The following ULK4 variants were observed in gnomAD, a reference collection of about 807,000 sequenced individuals.
ULK4 encodes the protein inactive serine/threonine-protein kinase ULK4.
Under a neutral mutation model 160.6 loss-of-function variants are expected in ULK4, and 133 were observed. That is an observed-to-expected ratio of 0.83 (90% CI 0.72 to 0.96). ULK4 has a LOEUF of 0.96. Among genes scored for constraint, ULK4 ranks in the 40% least tolerant of loss-of-function variants. ULK4 has a pLI of 0.00. For synonymous variants in ULK4, 534 were observed against 539.8 expected, an observed-to-expected ratio of 0.99 and a Z score of 0.15; for missense variants, 1,580 against 1,499.5, an observed-to-expected ratio of 1.05 and a Z score of -0.89.
chr3:41,365,313 T>C (rs2081234291), intron 35 of ULK4, among the ~76,000 whole-genome samples: 1 of 152,162 alleles, frequency 6.6e-6, no homozygotes, highest in Admixed American at 6.5e-5. Context: ...TTCACAATCT[T>C]GAAGTTTGAT....
chr3:41,734,413 G>A (rs1400708587), intron 22 of ULK4, among the ~76,000 whole-genome samples: 1 of 152,142 alleles, frequency 6.6e-6, no homozygotes, highest in Admixed American at 6.6e-5. Context: ...AAGCATATTT[G>A]ATTTGTATAC....
chr3:41,344,404 G>C (rs112102020), intron 35 of ULK4, among the ~76,000 whole-genome samples: 2,427 of 152,186 alleles, frequency 0.016, 52 homozygotes, highest in African/African-American at 0.049. Flanking sequence ...ATACTATCTG[G>C]ACATAGGCAT....
rs562383782 is a variant in ULK4, at chr3:41,457,350, T to C, written c.3394-1755A>G. Reference sequence around the variant, plus strand: ...CCATGGTCCTCCAGATCCTCCAAGATCTGCATAGTCATACGTCATAGTCGC... The same window carrying C: ...CCATGGTCCTCCAGATCCTCCAAGACCTGCATAGTCATACGTCATAGTCGC... On this transcript the variant is annotated intron_variant, in intron 33 of 36. Coordinates refer to ENST00000301831, the MANE Select transcript of ULK4 (RefSeq NM_017886.4). Among the ~76,000 whole-genome samples, 522 of 152,218 alleles carry C rather than the reference T, an allele frequency of 3.4e-3. 4 individuals carry two copies. Among genetic ancestry groups the C allele is most frequent in the Non-Finnish European group, 6.2e-3 (421 of 68,018 alleles).
Position 41,799,099 on chromosome 3 carries a change from G to T in ULK4, c.2010+1033C>A, listed in dbSNP as rs142938804. ...GTGAGGATACGTGATGAAAATGAGG[G>T]GTTGAGGGCATAAGGAAAGAACACA... On this transcript the variant is annotated intron_variant, in intron 20 of 36. Coordinates refer to ENST00000301831, the MANE Select transcript of ULK4 (RefSeq NM_017886.4). Among the ~76,000 whole-genome samples, 260 of 152,238 alleles carry T rather than the reference G, an allele frequency of 1.7e-3. 2 individuals carry two copies. Among genetic ancestry groups the T allele is most frequent in the African/African-American group, 5.9e-3 (244 of 41,538 alleles).
chr3:41,436,476 C>T (rs1185910510), intron 34 of ULK4, among the ~76,000 whole-genome samples: 3 of 152,048 alleles, frequency 2.0e-5, no homozygotes, highest in South Asian at 2.1e-4. Context: ...TTCATTATCT[C>T]TTGGGTGAAT....
At chr3:41,948,436 G>C (rs962809400) in intron 2 of ULK4, among the ~76,000 whole-genome samples, 4 of 152,054 alleles carry the variant, frequency 2.6e-5, no homozygotes, top group Non-Finnish European at 5.9e-5. Flanking sequence ...GGACGAAAGA[G>C]TCTGGACTCT....
At chr3:41,843,255 T>G (rs182302101) in intron 17 of ULK4, among the ~76,000 whole-genome samples, 58 of 152,122 alleles carry the variant, frequency 3.8e-4, no homozygotes, top group Admixed American at 2.6e-3. Context: ...AAATAAGATA[T>G]CACTACACAC....
intron 16 of ULK4, among the ~76,000 whole-genome samples, chr3:41,895,054 G>T (rs1462295250): frequency 6.6e-6 from 1 of 152,132 alleles, no homozygotes; most frequent in Non-Finnish European, 1.5e-5. Flanking sequence ...AAACTTCGAG[G>T]AAGTATAACT....
rs71315503 is a variant in ULK4, at chr3:41,684,067, G to A, written c.2782-2263C>T. Among the ~76,000 whole-genome samples the A allele has an allele frequency of 4.0e-3, 607 of 152,298 alleles. 18 individuals carry two copies. Among genetic ancestry groups the A allele is most frequent in the Admixed American group, 0.031 (472 of 15,304 alleles). ...ACTGTTGGATGACTTCTTGCAAAGAGAAGAGGATTTACCTACGCTTCCACC... is the reference window on the plus strand; with the variant it reads ...ACTGTTGGATGACTTCTTGCAAAGAAAAGAGGATTTACCTACGCTTCCACC... On this transcript the variant is annotated intron_variant, in intron 27 of 36. Transcript: ENST00000301831.
intron 19 of ULK4, among the ~76,000 whole-genome samples, chr3:41,815,012 G>A (rs2040924378): frequency 6.6e-6 from 1 of 150,562 alleles, no homozygotes; most frequent in African/African-American, 2.4e-5. Flanking sequence ...AGGTTCAAGC[G>A]ATTCTCCTGC....
intron 21 of ULK4, among the ~76,000 whole-genome samples, chr3:41,774,590 T>C (rs1454808652): frequency 6.7e-6 from 1 of 149,144 alleles, no homozygotes; most frequent in Non-Finnish European, 1.5e-5. Context: ...CTGGAGAGGA[T>C]GTGGAGAAAT....
At chr3:41,880,845 C>A (rs950804633) in intron 17 of ULK4, among the ~76,000 whole-genome samples, 1 of 152,106 alleles carries the variant, frequency 6.6e-6, no homozygotes, top group African/African-American at 2.4e-5. Flanking sequence ...ATCTCTTCAA[C>A]CCGGGAGGCA....
intron 27 of ULK4, 65 bp downstream of exon 27, chr3:41,704,992 T>G: frequency 7.5e-7 from 1 of 1,337,760 alleles, no homozygotes; most frequent in South Asian, 1.4e-5. Context: ...AAACGAGGCC[T>G]CTTTATATAA....
intron 32 of ULK4, among the ~76,000 whole-genome samples, chr3:41,487,394 G>A (rs1013369985): frequency 1.3e-5 from 2 of 151,970 alleles, no homozygotes; most frequent in African/African-American, 2.4e-5. Context: ...TAAGAACGGT[G>A]GGATATTTTT....
chr3:41,319,049 T>C (rs2080198820), intron 35 of ULK4, among the ~76,000 whole-genome samples: 1 of 152,230 alleles, frequency 6.6e-6, no homozygotes, highest in Admixed American at 6.5e-5. Context: ...AACAGGTCTA[T>C]GAAAATGAGT....
intron 25 of ULK4, among the ~76,000 whole-genome samples, chr3:41,714,161 A>C (rs958873416): frequency 1.3e-5 from 2 of 152,224 alleles, no homozygotes; most frequent in African/African-American, 4.8e-5. Flanking sequence ...GCAAATTCAT[A>C]AATGTGGTAC....
chr3:41,687,445 T>A (rs73069339), intron 27 of ULK4, among the ~76,000 whole-genome samples: 522 of 152,216 alleles, frequency 3.4e-3, no homozygotes, highest in Middle Eastern at 6.8e-3. Flanking sequence ...AATGCATCAA[T>A]AGGCCTCATC....
chr3:41,482,586 A>T (rs1279992773), intron 32 of ULK4, among the ~76,000 whole-genome samples: 1 of 152,202 alleles, frequency 6.6e-6, no homozygotes, highest in African/African-American at 2.4e-5. Context: ...ATGAGCAGGT[A>T]AGAGTCCTAA....
intron 19 of ULK4, among the ~76,000 whole-genome samples, chr3:41,813,124 A>G (rs2040865383): frequency 6.6e-6 from 1 of 152,148 alleles, no homozygotes; most frequent in African/African-American, 2.4e-5. Flanking sequence ...TGGACCCAGG[A>G]AGGGGAACAA....
Sources: allele counts gnomAD v4.1 joint callset (sites outside exome capture counted in the v4.1 genomes callset), GRCh38; gene constraint gnomAD v4.1.1; transcripts MANE v1.5; gene names NCBI Gene and HGNC (gene_info 2026-07-23, HGNC 2026-07-21).